SPAG17: variants seen among roughly 807,000 people sequenced by gnomAD.
SPAG17 encodes the protein sperm associated antigen 17.
A neutral mutation model predicts 273.6 loss-of-function variants in SPAG17; 169 were observed. The ratio of observed to expected loss-of-function variants is 0.62; its 90% CI spans 0.55 to 0.70. The LOEUF is 0.70. SPAG17 is among the 30% of genes least tolerant of loss of function. The pLI is 0.00. For missense variants in SPAG17, 2,557 were observed against 2,627.8 expected (o/e 0.97, Z 0.59); for synonymous variants, 825 against 873.2 (o/e 0.94, Z 0.97).
chr1:118,046,528 T>C (rs1650377313), intron 20 of SPAG17, among the ~76,000 whole-genome samples: 1 of 151,924 alleles, frequency 6.6e-6, no homozygotes, highest in Non-Finnish European at 1.5e-5. Flanking sequence ...ATACTGAAAT[T>C]AAGTTAAATT....
chr1:118,020,213 G>A (rs555141574), intron 28 of SPAG17, among the ~76,000 whole-genome samples: 1 of 152,308 alleles, frequency 6.6e-6, no homozygotes, highest in Non-Finnish European at 1.5e-5. Context: ...TAGGTCAGGA[G>A]TTCAAGACCA....
chr1:118,085,575 T>A (rs1654931121), intron 13 of SPAG17, among the ~76,000 whole-genome samples: 1 of 152,088 alleles, frequency 6.6e-6, no homozygotes, highest in Non-Finnish European at 1.5e-5. Flanking sequence ...TTTACTTCTC[T>A]GTAAGTAGGA....
At position 118,146,998 on chromosome 1, in the gene SPAG17, T is replaced by A. The variant is rs531774642; in HGVS notation, c.315+3545A>T. ...TACCCCAGCTAATGATAATCTCATCTTCCTTTGAATTCTTATACACTTTAC... is the reference window on the plus strand; with the variant it reads ...TACCCCAGCTAATGATAATCTCATCATCCTTTGAATTCTTATACACTTTAC... On this transcript the variant is annotated intron_variant, in intron 3 of 48. Transcript: ENST00000336338. Among the ~76,000 whole-genome samples the A allele has an allele frequency of 4.6e-5, 7 of 152,348 alleles. No homozygotes were observed. The South Asian group carries it at 1.0e-3, about 23-fold the overall frequency.
At chr1:118,102,594 T>G (rs1292276765) in intron 4 of SPAG17, among the ~76,000 whole-genome samples, 1 of 152,212 alleles carries the variant, frequency 6.6e-6, no homozygotes, top group Non-Finnish European at 1.5e-5. Flanking sequence ...GTTGGCAAGA[T>G]GAATTCCTTC....
At chr1:118,041,758 T>C in intron 21 of SPAG17, 45 bp downstream of exon 21, 2 of 1,573,872 alleles carry the variant, frequency 1.3e-6, no homozygotes, top group African/African-American at 1.4e-5. Context: ...CCAAAACAAT[T>C]AGGAATAGCC....
chr1:117,955,203 C>G, intron 48 of SPAG17: 1 of 871,252 alleles, frequency 1.1e-6, no homozygotes, highest in Non-Finnish European at 1.7e-6. Context: ...TTTTAGAATA[C>G]TTTTTCTGAA....
intron 3 of SPAG17, among the ~76,000 whole-genome samples, chr1:118,145,125 G>C (rs1558043256): frequency 6.6e-6 from 1 of 152,082 alleles, no homozygotes; most frequent in Non-Finnish European, 1.5e-5. Context: ...GTTCCCAGTA[G>C]AGCTGCCATT....
chr1:118,138,274 G>A (rs886106823), intron 3 of SPAG17, among the ~76,000 whole-genome samples: 17 of 151,452 alleles, frequency 1.1e-4, no homozygotes, highest in Middle Eastern at 3.4e-3. Flanking sequence ...TTGACTATGC[G>A]CTCTTGAGGG....
intron 29 of SPAG17, among the ~76,000 whole-genome samples, chr1:118,014,184 T>C (rs1025601952): frequency 6.6e-6 from 1 of 152,096 alleles, no homozygotes; most frequent in Non-Finnish European, 1.5e-5. Context: ...ACAATAGTAG[T>C]TTGTTGTGAG....
At position 118,093,250 on chromosome 1, in the gene SPAG17, C is replaced by A. The variant is rs201466325; in HGVS notation, c.1079G>T (p.Arg360Met). 4.6e-5 allele frequency: 74 copies of A among 1,613,654 alleles called. 1 individual carries two copies. In the East Asian group the frequency reaches 1.6e-3, roughly 35 times the overall value. ...CLMYDILDWKRQHQHYLESMQ... is the reference protein window; with the variant it reads ...CLMYDILDWKMQHQHYLESMQ... Reference sequence around the variant, plus strand: ...GCTTTCCAAATAGTGCTGGTGCTGCCTTTTCCAATCCAGGATGTCATACAT... The same window carrying A: ...GCTTTCCAAATAGTGCTGGTGCTGCATTTTCCAATCCAGGATGTCATACAT... The change falls in exon 8 of 49, where the codon AGG becomes ATG. Residue 360 changes from arginine to methionine, a missense_variant. Transcript: ENST00000336338.
intron 17 of SPAG17, among the ~76,000 whole-genome samples, chr1:118,069,343 T>TAAAAAAAAAAAAAA (rs1653325378): frequency 3.5e-5 from 1 of 28,180 alleles, no homozygotes. Context: ...AGACTCCGTC[T>TAAAAAAAAAAAAAA]CAAAAAAAAA....
intron 3 of SPAG17, among the ~76,000 whole-genome samples, chr1:118,146,776 GC>G (rs2102336012): frequency 6.6e-6 from 1 of 152,296 alleles, no homozygotes; most frequent in East Asian, 1.9e-4. Flanking sequence ...TCTTCATTTT[GC>G]TAGTGAGCAG....
At chr1:118,082,222 T>C (rs991676420) in intron 13 of SPAG17, among the ~76,000 whole-genome samples, 3 of 152,316 alleles carry the variant, frequency 2.0e-5, no homozygotes, top group Non-Finnish European at 2.9e-5. Context: ...CACTCTTTCA[T>C]TGGTTATTAT....
chr1:118,085,125 C>T lies in SPAG17; in HGVS notation c.1762+797G>A, dbSNP rs142552763. On this transcript the variant is annotated intron_variant, in intron 13 of 48. Coordinates refer to ENST00000336338, the MANE Select transcript of SPAG17 (RefSeq NM_206996.4). ...TGTCCTCATGTGCAGAGATGGTCCACGGTAGTGCTCACATTAGTTTTACCC... is the reference window on the plus strand; with the variant it reads ...TGTCCTCATGTGCAGAGATGGTCCATGGTAGTGCTCACATTAGTTTTACCC... Among the ~76,000 whole-genome samples, 366 of 152,270 alleles carry T rather than the reference C, an allele frequency of 2.4e-3. 2 individuals carry two copies. Among genetic ancestry groups the T allele is most frequent in the African/African-American group, 7.7e-3 (319 of 41,546 alleles).
chr1:118,146,837 T>C (rs1011617436), intron 3 of SPAG17, among the ~76,000 whole-genome samples: 1 of 152,140 alleles, frequency 6.6e-6, no homozygotes, highest in African/African-American at 2.4e-5. Context: ...CAATGGAGAT[T>C]TTATCTTTCC....
At chr1:118,108,349 C>T (rs914350254) in intron 4 of SPAG17, among the ~76,000 whole-genome samples, 4 of 152,162 alleles carry the variant, frequency 2.6e-5, no homozygotes, top group Non-Finnish European at 5.9e-5. Context: ...TCTTTCATTT[C>T]CTTTTTCTCA....
chr1:118,127,829 T>C (rs1657824430), intron 3 of SPAG17, among the ~76,000 whole-genome samples: 1 of 152,146 alleles, frequency 6.6e-6, no homozygotes, highest in Non-Finnish European at 1.5e-5. Context: ...CTTGGTTAAA[T>C]TGATTCCTAG....
chr1:118,029,600 G>A (rs1215644621), intron 25 of SPAG17, among the ~76,000 whole-genome samples: 1 of 152,002 alleles, frequency 6.6e-6, no homozygotes, highest in Non-Finnish European at 1.5e-5. Context: ...TGAGGGTTTG[G>A]GTGTGTTTAC....
chr1:117,973,547 C>T lies in SPAG17; in HGVS notation c.6019G>A (p.Glu2007Lys), dbSNP rs576907274. The change falls in exon 44 of 49, where the codon GAG (glutamate) becomes AAG (lysine). Residue 2007 changes from glutamate (E) to lysine (K), a missense_variant. Physicochemically the swap from Glu to Lys is moderately conservative, Grantham distance 56. Transcript: ENST00000336338. ...TKSPEEAESY[E>K]PVKIPTQSLL... ...GACTGGGTTGGAATTTTCACGGGCT[C>T]ATAAGATTCTGCTTCTGTTAGAGAG... 8.7e-6 allele frequency: 14 copies of T among 1,613,720 alleles called. No individual in the cohort carries two copies. The highest frequency in any genetic ancestry group is 6.7e-5 in the African/African-American group (5 of 75,042).
Sources: gnomAD v4.1 joint callset for allele counts (sites outside exome capture counted in the v4.1 genomes callset) on GRCh38, gnomAD v4.1.1 for gene constraint, MANE v1.5 for transcripts, NCBI Gene and HGNC (gene_info 2026-07-23, HGNC 2026-07-21) for gene names.